NAV1: variants seen among roughly 807,000 people sequenced by gnomAD.
NAV1 encodes neuron navigator 1, also known as pore membrane and/or filament interacting like protein 3.
NAV1 carries 18 observed loss-of-function variants against 175.2 expected under a neutral mutation model. The ratio of observed to expected loss-of-function variants is 0.10; its 90% CI spans 0.07 to 0.15. NAV1 has a LOEUF of 0.15. Ranked by LOEUF, NAV1 falls within the 10% of genes least tolerant of loss-of-function variation. The pLI is 1.00. For missense variants in NAV1, 1,731 were observed against 2,436.6 expected (o/e 0.71, Z 6.10); for synonymous variants, 897 against 978.7 (o/e 0.92, Z 1.56).
intron 2 of NAV1, among the ~76,000 whole-genome samples, chr1:201,613,089 G>C (rs1667903270): frequency 6.6e-6 from 1 of 152,104 alleles, no homozygotes; most frequent in South Asian, 2.1e-4. Context: ...TCTGTCCGTG[G>C]CCTCTGGACT....
intron 1 of NAV1, among the ~76,000 whole-genome samples, chr1:201,564,906 TCTC>T (rs1208063266): frequency 2.0e-5 from 3 of 152,164 alleles, no homozygotes; most frequent in Non-Finnish European, 1.5e-5. Flanking sequence ...GTCAGGTCCT[TCTC>T]ATGCTGCCAT....
At chr1:201,605,911 G>A (rs1313199111) in intron 2 of NAV1, among the ~76,000 whole-genome samples, 1 of 152,216 alleles carries the variant, frequency 6.6e-6, no homozygotes, top group Non-Finnish European at 1.5e-5. Context: ...GCTGTGGTTG[G>A]CCTCAGCAGC....
intron 1 of NAV1, among the ~76,000 whole-genome samples, chr1:201,563,788 G>A (rs1294553536): frequency 2.0e-5 from 3 of 151,804 alleles, no homozygotes; most frequent in Admixed American, 6.6e-5. Flanking sequence ...GTTGGGATCC[G>A]ATTCTCTTTG....
intron 29 of NAV1, 127 bp downstream of exon 33, chr1:201,817,412 A>G (rs1487601140): frequency 2.4e-6 from 2 of 824,242 alleles, no homozygotes; most frequent in East Asian, 2.7e-5. Flanking sequence ...TTTGAGTTCA[A>G]AACCAGCCTG....
intron 1 of NAV1, among the ~76,000 whole-genome samples, chr1:201,650,515 A>T (rs1669156735): frequency 6.6e-6 from 1 of 152,130 alleles, no homozygotes; most frequent in Admixed American, 6.5e-5. Context: ...GGTACCCGGC[A>T]GGCTGCCCGC....
chr1:201,765,391 T>TC (rs1675142807), intron 3 of NAV1, among the ~76,000 whole-genome samples: 1 of 148,970 alleles, frequency 6.7e-6, no homozygotes, highest in South Asian at 2.1e-4. Flanking sequence ...CTTTTTTTTT[T>TC]TTTTTTTTTT....
At chr1:201,738,341 C>A (rs1476060392) in intron 3 of NAV1, among the ~76,000 whole-genome samples, 1 of 152,098 alleles carries the variant, frequency 6.6e-6, no homozygotes, top group Non-Finnish European at 1.5e-5. Flanking sequence ...GAAACAAAGA[C>A]CCTTCCTCCA....
intron 17 of NAV1, 98 bp downstream of exon 21, chr1:201,804,595 AAAAAAAAT>A: frequency 1.1e-5 from 12 of 1,141,518 alleles, no homozygotes; most frequent in East Asian, 5.1e-5. Flanking sequence ...AAAAAAAAAA[AAAAAAAAT>A]GAATGACCAC....
Position 201,649,070 on chromosome 1 carries a change from G to A in NAV1, c.402G>A (p.Leu134=), listed in dbSNP as rs536853902. The change falls in exon 1 of 30, where the codon CTG becomes CTA. Residue 134 remains leucine (L), a synonymous_variant. Coordinates refer to ENST00000367296, the Ensembl canonical transcript of NAV1. ...GGTCCAAGGGCCGTGAAGCTCCGCT[G>A]ATGTCCAAGACGCTGTCCAAGTCGG... 1.5e-5 allele frequency: 25 copies of A among 1,613,388 alleles called. No homozygotes were observed. In the South Asian group the frequency reaches 2.6e-4, roughly 17 times the overall value.
At chr1:201,594,348 G>A (rs1199998909) in intron 2 of NAV1, among the ~76,000 whole-genome samples, 2 of 152,168 alleles carry the variant, frequency 1.3e-5, no homozygotes, top group Non-Finnish European at 2.9e-5. Flanking sequence ...GAAAGGGAGG[G>A]GAGGAGGTGG....
chr1:201,627,424 C>T (rs1158596163), intron 1 of NAV1, among the ~76,000 whole-genome samples: 4 of 152,170 alleles, frequency 2.6e-5, no homozygotes, highest in African/African-American at 9.6e-5. Flanking sequence ...AGGCATGCAC[C>T]ACCAAGCCTG....
chr1:201,713,732 C>A (rs1004045258), intron 2 of NAV1, among the ~76,000 whole-genome samples: 1 of 152,110 alleles, frequency 6.6e-6, no homozygotes, highest in Non-Finnish European at 1.5e-5. Context: ...GGCAGGAAGG[C>A]TGTGTGAGGG....
intron 7 of NAV1, 27 bp from the exon 12 acceptor site, chr1:201,785,283 T>TCTCTC: frequency 2.2e-6 from 1 of 448,858 alleles, no homozygotes; most frequent in Non-Finnish European, 2.8e-6. Context: ...TCTCTCTCTC[T>TCTCTC]TTTTTTTTTT....
intron 17 of NAV1, among the ~76,000 whole-genome samples, chr1:201,804,834 C>A (rs1256757706): frequency 1.3e-5 from 2 of 152,302 alleles, no homozygotes; most frequent in South Asian, 2.1e-4. Flanking sequence ...GAAAATGAAC[C>A]TTCTTCTTTT....
At chr1:201,805,213 C>T (rs189793143) in intron 17 of NAV1, among the ~76,000 whole-genome samples, 16 of 152,256 alleles carry the variant, frequency 1.1e-4, no homozygotes, top group Admixed American at 1.0e-3. Flanking sequence ...TCTATAATCT[C>T]GTCATTAAGA....
chr1:201,593,284 A>G (rs1165217815), intron 2 of NAV1, among the ~76,000 whole-genome samples: 3 of 152,212 alleles, frequency 2.0e-5, no homozygotes, highest in Admixed American at 2.0e-4. Context: ...CAAGCCTGTC[A>G]GCAAGTGGGG....
chr1:201,627,096 C>T (rs1295496060), intron 1 of NAV1, among the ~76,000 whole-genome samples: 1 of 152,078 alleles, frequency 6.6e-6, no homozygotes, highest in Non-Finnish European at 1.5e-5. Context: ...TGTTTTTAGT[C>T]TTTAATTTAT....
chr1:201,783,344 T>G, intron 6 of NAV1, 62 bp from the exon 11 acceptor site: 1 of 1,493,650 alleles, frequency 6.7e-7, no homozygotes. Flanking sequence ...TTCTTTAAGG[T>G]CCTATCTGCC....
chr1:201,681,480 C>T (rs1354125709), intron 1 of NAV1, among the ~76,000 whole-genome samples: 3 of 152,188 alleles, frequency 2.0e-5, no homozygotes, highest in Non-Finnish European at 4.4e-5. Context: ...TGGGATCCTG[C>T]TTTGGCAGAA....
Sources: allele counts gnomAD v4.1 joint callset (sites outside exome capture counted in the v4.1 genomes callset), GRCh38; gene constraint gnomAD v4.1.1; transcripts MANE v1.5; gene names NCBI Gene and HGNC (gene_info 2026-07-23, HGNC 2026-07-21).